The following NSA2 variants were observed in gnomAD, a reference collection of about 807,000 sequenced individuals.
The protein encoded by NSA2 is NSA2 ribosome biogenesis factor, also known as ribosome biogenesis protein NSA2 homolog.
Under a neutral mutation model 34.8 loss-of-function variants are expected in NSA2, and 18 were observed. That is an observed-to-expected ratio of 0.52 (90% confidence interval 0.36 to 0.77). The LOEUF (loss-of-function observed/expected upper bound fraction) is 0.77. Among genes scored for constraint, NSA2 ranks in the 30% least tolerant of loss-of-function variants. The probability of loss-of-function intolerance (pLI) is 0.00; values close to 1 mark genes in which losing one functional copy is unlikely to be tolerated. For synonymous variants in NSA2, 79 were observed against 100.2 expected, an observed-to-expected ratio of 0.79 and a Z score of 1.26; for missense variants, 188 against 314.7, an observed-to-expected ratio of 0.60 and a Z score of 3.05.
Position 74,778,216 on chromosome 5 carries a change from T to C in NSA2, c.*1545T>C, listed in dbSNP as rs1228349433. On this transcript the variant is annotated 3_prime_UTR_variant, in exon 6 of 6. Coordinates refer to ENST00000610426, the MANE Select transcript of NSA2 (RefSeq NM_014886.6). ...TAACATTTGTAACTAATCACACCCATGAAAGACGACTAGATGACACCTGAA... is the reference window on the plus strand; with the variant it reads ...TAACATTTGTAACTAATCACACCCACGAAAGACGACTAGATGACACCTGAA... 6.6e-6 allele frequency: 1 copy of C among 151,972 alleles called. No homozygotes were observed. The highest frequency in any genetic ancestry group is 2.4e-5 in the African/African-American group (1 of 41,426). The allele number at this position is 151,972 out of a possible 1,614,324, so 9.4% of individuals were successfully genotyped here. A position where few individuals can be genotyped will look rare whatever the true frequency, so the allele number is the denominator to read the frequency against.
At position 74,770,716 on chromosome 5, in the gene NSA2, A is replaced by C. The variant is rs752716586; in HGVS notation, c.428A>C (p.Lys143Thr). The C allele has an allele frequency of 8.1e-6, 13 of 1,613,642 alleles. No homozygotes were observed. The South Asian group carries it at 1.3e-4, about 16-fold the overall frequency. The change falls in exon 4 of 6, where the codon AAG becomes ACG. Residue 143 changes from lysine to threonine, a missense_variant. By Grantham distance (78) the Lys-to-Thr change is moderately conservative. Transcript: ENST00000610426. ...LKVIRTGKRK[K>T]KAWKRMVTKV... ...GTTATTCGAACAGGAAAGAGAAAGA[A>C]GAAGGCATGGAAGAGAATGGTTACT...
At position 74,778,050 on chromosome 5, in the gene NSA2, T is replaced by C. The variant is rs1354681951; in HGVS notation, c.*1379T>C. The C allele has an allele frequency of 1.3e-5, 2 of 151,844 alleles. No homozygotes were observed. Among genetic ancestry groups the C allele is most frequent in the African/African-American group, 2.4e-5 (1 of 41,358 alleles). The allele number at this position is 151,844 out of a possible 1,614,324, so 9.4% of individuals were successfully genotyped here. On this transcript the variant is annotated 3_prime_UTR_variant, in exon 6 of 6. Coordinates refer to ENST00000610426, the MANE Select transcript of NSA2 (RefSeq NM_014886.6). Reference sequence around the variant, plus strand: ...AAATGGGTGATGTGTGGATCACAAGTTCTAGAAGGCGAATAAAAATACTGA... The same window carrying C: ...AAATGGGTGATGTGTGGATCACAAGCTCTAGAAGGCGAATAAAAATACTGA...
At chr5:74,772,298 TG>T (rs1393205688) in intron 4 of NSA2, among the ~76,000 whole-genome samples, 3 of 152,098 alleles carry the variant, frequency 2.0e-5, no homozygotes, top group African/African-American at 7.2e-5. Flanking sequence ...CTAATTTTTT[TG>T]TATTTTTTTG....
chr5:74,776,520 A>C, intron 5 of NSA2, 84 bp from the exon 6 acceptor site: 1 of 774,628 alleles, frequency 1.3e-6, no homozygotes, highest in Non-Finnish European at 2.3e-6. Context: ...AAAAGAAAAA[A>C]AAGGCAAAAG....
At position 74,778,899 on chromosome 5, in the gene NSA2, A is replaced by G. The variant is rs925513436; in HGVS notation, c.*2228A>G. On this transcript the variant is annotated 3_prime_UTR_variant, in exon 6 of 6. Transcript: ENST00000610426. ...CCTCTGTAATTGTGAAATTTTTTCTAATGCCTTGCAAAAACTACAGATAAC... is the reference window on the plus strand; with the variant it reads ...CCTCTGTAATTGTGAAATTTTTTCTGATGCCTTGCAAAAACTACAGATAAC... 6.6e-6 allele frequency: 1 copy of G among 152,096 alleles called. No homozygotes were observed. The highest frequency in any genetic ancestry group is 1.5e-5 in the Non-Finnish European group (1 of 67,920). 9.4% of individuals were successfully genotyped at this position (152,096 alleles called of 1,614,324 possible). A position where few individuals can be genotyped will look rare whatever the true frequency, so the allele number is the denominator to read the frequency against.
chr5:74,773,402 G>A (rs558613929), intron 4 of NSA2, among the ~76,000 whole-genome samples: 1 of 151,372 alleles, frequency 6.6e-6, no homozygotes, highest in Non-Finnish European at 1.5e-5. Context: ...GGAGGCTGAG[G>A]TGGGTGGATA....
Position 74,779,186 on chromosome 5 carries a change from GCCC to G in NSA2, c.*2518_*2520del, listed in dbSNP as rs1282913790. 6 of 152,162 alleles carry G rather than the reference GCCC, an allele frequency of 3.9e-5. No individual in the cohort carries two copies. Among genetic ancestry groups the G allele is most frequent in the East Asian group, 3.9e-4 (2 of 5,178 alleles). The allele number at this position is 152,162 out of a possible 1,614,324, so 9.4% of individuals were successfully genotyped here. A position where few individuals can be genotyped will look rare whatever the true frequency, so the allele number is the denominator to read the frequency against. ...TAACAAGAATAAGTTTATACTGTTA[GCCC>G]CCAATGGTCATATATGATTAATAAA... On this transcript the variant is annotated 3_prime_UTR_variant, in exon 6 of 6. Transcript: ENST00000610426.
rs1745024455 is a variant in NSA2 at position 74,773,849 on chromosome 5, G to A, written c.523-19G>A. On this transcript the variant is annotated intron_variant, in intron 4 of 5. Coordinates refer to ENST00000610426, the MANE Select transcript of NSA2 (RefSeq NM_014886.6). ...ACATTTTGGACGTAAACATTCTTAT[G>A]TTGTGTTTGACTTACTAGGGCTTGC... 6.3e-7 allele frequency: 1 copy of A among 1,597,360 alleles called. No homozygotes were observed. Among genetic ancestry groups the A allele is most frequent in the Non-Finnish European group, 8.5e-7 (1 of 1,171,270 alleles).
Position 74,778,839 on chromosome 5 carries a change from C to T in NSA2, c.*2168C>T, listed in dbSNP as rs565155405. The T allele has an allele frequency of 2.0e-5, 3 of 152,176 alleles. No homozygotes were observed. The highest frequency in any genetic ancestry group is 2.1e-4 in the South Asian group (1 of 4,826). The allele number at this position is 152,176 out of a possible 1,614,324, so 9.4% of individuals were successfully genotyped here. ...ATGTGTAATGTGACTGGACATTCAA[C>T]AACTAGACTAGCCGGTTGAAATCAC... is the stretch of plus-strand genomic sequence containing the variant. On this transcript the variant is annotated 3_prime_UTR_variant, in exon 6 of 6. Coordinates refer to ENST00000610426, the MANE Select transcript of NSA2 (RefSeq NM_014886.6).
At position 74,767,327 on chromosome 5, in the gene NSA2, A is replaced by G. The variant is rs1364329942; in HGVS notation, c.-34A>G. 4 of 1,613,220 alleles carry G rather than the reference A, an allele frequency of 2.5e-6. No individual in the cohort carries two copies. Among genetic ancestry groups the G allele is most frequent in the Non-Finnish European group, 3.4e-6 (4 of 1,179,556 alleles). On this transcript the variant is annotated 5_prime_UTR_variant, in exon 1 of 6. Transcript: ENST00000610426. ...AAAATTGAGAGCGTTTTCGCACTCC[A>G]GCGGCTGCTCCTGGCGGCTCTGCGG...
intron 5 of NSA2, among the ~76,000 whole-genome samples, chr5:74,774,539 G>C (rs558423701): frequency 3.5e-4 from 54 of 152,294 alleles, no homozygotes; most frequent in Middle Eastern, 3.4e-3. Context: ...AGGAGGCGGA[G>C]CTTGCAGTGA....
In NSA2 at chr5:74,777,149, C is replaced by CTT. The variant is rs1371408851; in HGVS notation, c.*479_*480dup. ...GAGAAGACACTAAAAGTTCAGAAAT[C>CTT]TTAGAGAAATCTTTTCACCTGTGAA... On this transcript the variant is annotated 3_prime_UTR_variant, in exon 6 of 6. Transcript: ENST00000610426. 1 of 152,402 alleles carries CTT rather than the reference C, an allele frequency of 6.6e-6. No individual in the cohort carries two copies. The highest frequency in any genetic ancestry group is 1.5e-5 in the Non-Finnish European group (1 of 68,216). The allele number at this position is 152,402 out of a possible 1,614,324, so 9.4% of individuals were successfully genotyped here.
chr5:74,775,251 C>A (rs1296028924), intron 5 of NSA2, among the ~76,000 whole-genome samples: 1 of 151,902 alleles, frequency 6.6e-6, no homozygotes, highest in Non-Finnish European at 1.5e-5. Flanking sequence ...TGATTTAACA[C>A]AGTTTAGTTC....
In NSA2 at chr5:74,777,334, C is replaced by G. The variant is rs1486407678; in HGVS notation, c.*663C>G. 1 of 151,978 alleles carries G rather than the reference C, an allele frequency of 6.6e-6. No individual in the cohort carries two copies. Among genetic ancestry groups the G allele is most frequent in the Non-Finnish European group, 1.5e-5 (1 of 67,962 alleles). 9.4% of individuals were successfully genotyped at this position (151,978 alleles called of 1,614,324 possible). A position where few individuals can be genotyped will look rare whatever the true frequency, so the allele number is the denominator to read the frequency against. On this transcript the variant is annotated 3_prime_UTR_variant, in exon 6 of 6. Coordinates refer to ENST00000610426, the MANE Select transcript of NSA2 (RefSeq NM_014886.6). The stretch of plus-strand genomic sequence containing the variant: ...GTACTCTCTTAGCATTTTCTGTATT[C>G]TAAACAATATATTTATACTTTCAGA...
chr5:74,775,589 G>C (rs1326493890), intron 5 of NSA2, among the ~76,000 whole-genome samples: 1 of 151,958 alleles, frequency 6.6e-6, no homozygotes, highest in Non-Finnish European at 1.5e-5. Context: ...CGGCCTGGGA[G>C]ACAGAGCAAG....
At chr5:74,768,240 G>A (rs1319447963) in intron 1 of NSA2, among the ~76,000 whole-genome samples, 1 of 152,158 alleles carries the variant, frequency 6.6e-6, no homozygotes, top group Non-Finnish European at 1.5e-5. Flanking sequence ...TCTGGTCAGC[G>A]GGTAAACAGT....
At position 74,780,072 on chromosome 5, in the gene NSA2, T is replaced by A. The variant is rs530031745; in HGVS notation, c.*3401T>A. The A allele has an allele frequency of 6.6e-6, 1 of 152,356 alleles. No individual in the cohort carries two copies. Among genetic ancestry groups the A allele is most frequent in the African/African-American group, 2.4e-5 (1 of 41,596 alleles). 9.4% of individuals were successfully genotyped at this position (152,356 alleles called of 1,614,324 possible). A position where few individuals can be genotyped will look rare whatever the true frequency, so the allele number is the denominator to read the frequency against. ...TTTTTAGATTATCTTTGGATTCTAA[T>A]AACCATTTTGTCCATTTTTAAATAA... On this transcript the variant is annotated 3_prime_UTR_variant, in exon 6 of 6. Transcript: ENST00000610426.
chr5:74,772,144 G>A (rs1449895118), intron 4 of NSA2, among the ~76,000 whole-genome samples: 1 of 141,900 alleles, frequency 7.0e-6, no homozygotes, highest in East Asian at 2.0e-4. Flanking sequence ...TTTTTTTTTG[G>A]GACGGAGTCT....
chr5:74,774,853 A>G (rs1487022217), intron 5 of NSA2, among the ~76,000 whole-genome samples: 1 of 152,210 alleles, frequency 6.6e-6, no homozygotes, highest in East Asian at 1.9e-4. Flanking sequence ...TTATATTTAC[A>G]TGCTAACATT....
Sources: allele counts gnomAD v4.1 joint callset (sites outside exome capture counted in the v4.1 genomes callset), GRCh38; gene constraint gnomAD v4.1.1; transcripts MANE v1.5; gene names NCBI Gene and HGNC (gene_info 2026-07-23, HGNC 2026-07-21).